ZNF609: variants seen among roughly 807,000 people sequenced by gnomAD.
ZNF609 encodes zinc finger protein 609.
ZNF609 carries 11 observed loss-of-function variants against 109.5 expected under a neutral mutation model. That is an observed-to-expected ratio of 0.10 (90% CI 0.06 to 0.17). ZNF609 has a LOEUF of 0.17. ZNF609 is among the 10% of genes least tolerant of loss of function. The pLI, the probability that ZNF609 is intolerant of heterozygous loss-of-function variation, is 1.00. For synonymous variants in ZNF609, 646 were observed against 662.0 expected, an observed-to-expected ratio of 0.98 and a Z score of 0.37; for missense variants, 1,559 against 1,772.4, an observed-to-expected ratio of 0.88 and a Z score of 2.16.
Position 64,581,488 on chromosome 15 carries a change from A to G in ZNF609, c.748-41339A>G, listed in dbSNP as rs372261856. ...CCCTATATTTTTCACAAATACTCCTACCTCCCAGGGAAAAGGCTTTTTATG... is the reference window on the plus strand; with the variant it reads ...CCCTATATTTTTCACAAATACTCCTGCCTCCCAGGGAAAAGGCTTTTTATG... On this transcript the variant is annotated intron_variant, in intron 2 of 9. Transcript: ENST00000326648. Among the ~76,000 whole-genome samples the G allele has an allele frequency of 6.6e-5, 10 of 151,830 alleles. No individual in the cohort carries two copies. The East Asian group carries it at 1.4e-3, about 21-fold the overall frequency.
chr15:64,506,108 T>C (rs954110933), intron 2 of ZNF609, among the ~76,000 whole-genome samples: 7 of 152,200 alleles, frequency 4.6e-5, no homozygotes, highest in African/African-American at 1.7e-4. Flanking sequence ...CTCAGTTTTC[T>C]TATCTGCAAA....
At chr15:64,514,811 G>T (rs1567002386) in intron 2 of ZNF609, among the ~76,000 whole-genome samples, 1 of 152,048 alleles carries the variant, frequency 6.6e-6, no homozygotes, top group African/African-American at 2.4e-5. Flanking sequence ...GCTAGTTGTT[G>T]TATTTTTTGT....
intron 2 of ZNF609, among the ~76,000 whole-genome samples, chr15:64,571,737 T>G (rs542238810): frequency 2.9e-4 from 44 of 152,316 alleles, no homozygotes; most frequent in African/African-American, 1.0e-3. Context: ...TGGTGAGATC[T>G]TCACTCACTG....
intron 2 of ZNF609, among the ~76,000 whole-genome samples, chr15:64,541,664 C>G (rs1410113000): frequency 3.3e-5 from 5 of 151,248 alleles, no homozygotes; most frequent in Non-Finnish European, 5.9e-5. Flanking sequence ...CACAGTGAAA[C>G]CCCGTCTCTA....
chr15:64,660,974 T>C (rs1896566617), intron 3 of ZNF609, among the ~76,000 whole-genome samples: 1 of 152,174 alleles, frequency 6.6e-6, no homozygotes, highest in South Asian at 2.1e-4. Flanking sequence ...TGTTTGTTTG[T>C]TGAGACCGGG....
chr15:64,640,486 A>G (rs1329726015), intron 3 of ZNF609, among the ~76,000 whole-genome samples: 1 of 152,184 alleles, frequency 6.6e-6, no homozygotes, highest in Non-Finnish European at 1.5e-5. Flanking sequence ...ACCAGAAAGA[A>G]AAATAGGTTT....
At chr15:64,493,203 TGTA>T (rs1893438437) in intron 1 of ZNF609, among the ~76,000 whole-genome samples, 1 of 152,158 alleles carries the variant, frequency 6.6e-6, no homozygotes, top group Admixed American at 6.5e-5. Context: ...GAAAGAGAAA[TGTA>T]GTGTTTCTTG....
intron 2 of ZNF609, among the ~76,000 whole-genome samples, chr15:64,563,729 T>TCG (rs1183931793): frequency 6.6e-6 from 1 of 151,780 alleles, no homozygotes; most frequent in Non-Finnish European, 1.5e-5. Flanking sequence ...TGAGCCAAGA[T>TCG]CGCGCCATTG....
chr15:64,511,022 A>T (rs1474466403), intron 2 of ZNF609, among the ~76,000 whole-genome samples: 1 of 151,548 alleles, frequency 6.6e-6, no homozygotes, highest in Non-Finnish European at 1.5e-5. Flanking sequence ...TTCATTTTAA[A>T]AAGTTTTTAT....
At chr15:64,460,451 C>G (rs1424592866), upstream of ZNF609, among the ~76,000 whole-genome samples, 1 of 152,154 alleles carries the variant, frequency 6.6e-6, no homozygotes, top group Admixed American at 6.5e-5. Flanking sequence ...ATTCCGAGAC[C>G]CAGGATTTCG....
chr15:64,580,696 C>T (rs1895086622), intron 2 of ZNF609, among the ~76,000 whole-genome samples: 1 of 151,924 alleles, frequency 6.6e-6, no homozygotes, highest in South Asian at 2.1e-4. Context: ...CATACGCCAC[C>T]ATGCCTAGCT....
chr15:64,481,509 G>A (rs1020337651), intron 1 of ZNF609, among the ~76,000 whole-genome samples: 9 of 151,682 alleles, frequency 5.9e-5, no homozygotes, highest in African/African-American at 2.2e-4. Flanking sequence ...TAGTAGAGGC[G>A]GGGTTTCTTC....
chr15:64,613,430 G>A (rs1895747734), intron 2 of ZNF609, among the ~76,000 whole-genome samples: 1 of 152,168 alleles, frequency 6.6e-6, no homozygotes, highest in African/African-American at 2.4e-5. Flanking sequence ...AGAGCTTTGT[G>A]GGAAGGAGGC....
intron 1 of ZNF609, among the ~76,000 whole-genome samples, chr15:64,497,375 T>C (rs1057053715): frequency 6.6e-6 from 1 of 152,204 alleles, no homozygotes; most frequent in Admixed American, 6.5e-5. Context: ...TAAATTCCTG[T>C]TGCTAGCAGG....
chr15:64,562,649 T>C (rs1894698025), intron 2 of ZNF609, among the ~76,000 whole-genome samples: 1 of 151,738 alleles, frequency 6.6e-6, no homozygotes, highest in South Asian at 2.1e-4. Flanking sequence ...GCTAGACAAA[T>C]AGGAAGGGAG....
intron 2 of ZNF609, among the ~76,000 whole-genome samples, chr15:64,617,959 A>T (rs1895824509): frequency 6.6e-6 from 1 of 152,158 alleles, no homozygotes; most frequent in African/African-American, 2.4e-5. Context: ...CATTTCAAAG[A>T]CTGAGAATTA....
Position 64,478,045 on chromosome 15 carries a change from C to A in ZNF609, c.-128+17207C>A, listed in dbSNP as rs115344182. Among the ~76,000 whole-genome samples, 1,208 of 152,226 alleles carry A rather than the reference C, an allele frequency of 7.9e-3. 16 individuals carry two copies. Among genetic ancestry groups the A allele is most frequent in the African/African-American group, 0.028 (1,156 of 41,536 alleles). ...CTGAGGATATATTGGGACCCATTTA[C>A]TCTGTTTTTGGTTATTTATACCACC... On this transcript the variant is annotated intron_variant, in intron 1 of 9. Coordinates refer to ENST00000326648, the MANE Select transcript of ZNF609 (RefSeq NM_015042.2).
intron 2 of ZNF609, among the ~76,000 whole-genome samples, chr15:64,547,496 CTTTGCCCTCTGGGCTT>C (rs1221785126): frequency 6.6e-6 from 1 of 152,164 alleles, no homozygotes; most frequent in Non-Finnish European, 1.5e-5. Flanking sequence ...AACAAGGCTG[CTTTGCCCTCTGGGCTT>C]TTGAAAAATT....
intron 4 of ZNF609, among the ~76,000 whole-genome samples, chr15:64,672,401 G>C (rs1472822650): frequency 2.7e-5 from 4 of 149,930 alleles, no homozygotes; most frequent in Non-Finnish European, 4.5e-5. Flanking sequence ...GAGGCGGGTG[G>C]ATCACCTGAG....
Sources: allele counts gnomAD v4.1 joint callset (sites outside exome capture counted in the v4.1 genomes callset), GRCh38; gene constraint gnomAD v4.1.1; transcripts MANE v1.5; gene names NCBI Gene and HGNC (gene_info 2026-07-23, HGNC 2026-07-21).